Variants in BRINP3 observed in about 807,000 individuals in gnomAD.
The protein encoded by BRINP3 is BMP/retinoic acid-inducible neural-specific protein 3.
A neutral mutation model predicts 71.0 loss-of-function variants in BRINP3; 19 were observed. That is an observed-to-expected ratio of 0.27 (90% CI 0.19 to 0.39). The LOEUF (loss-of-function observed/expected upper bound fraction) is 0.39. BRINP3 is among the 10% of genes least tolerant of loss of function. The pLI is 1.00. For missense variants in BRINP3, 959 were observed against 940.8 expected (o/e 1.02, Z -0.25); for synonymous variants, 380 against 337.7 (o/e 1.13, Z -1.37).
intron 6 of BRINP3, among the ~76,000 whole-genome samples, chr1:190,167,999 C>G (rs1483060875): frequency 6.6e-6 from 1 of 152,062 alleles, no homozygotes; most frequent in Non-Finnish European, 1.5e-5. Context: ...CAGTTCAGCT[C>G]TGACTTCAAT....
At chr1:190,319,365 T>C (rs895919600) in intron 2 of BRINP3, among the ~76,000 whole-genome samples, 3 of 152,174 alleles carry the variant, frequency 2.0e-5, no homozygotes, top group East Asian at 1.9e-4. Flanking sequence ...TCCTGTGTTA[T>C]AGCTCTTATC....
chr1:190,381,573 C>G (rs1034307071), intron 2 of BRINP3, among the ~76,000 whole-genome samples: 9 of 152,194 alleles, frequency 5.9e-5, no homozygotes, highest in African/African-American at 2.2e-4. Context: ...TTTAATTGGT[C>G]ATCTCAATGA....
intron 6 of BRINP3, among the ~76,000 whole-genome samples, chr1:190,207,317 T>C (rs979233577): frequency 6.6e-6 from 1 of 152,092 alleles, no homozygotes; most frequent in East Asian, 1.9e-4. Context: ...TGCGACAAAT[T>C]TGGTCAACCT....
chr1:190,254,851 T>C (rs554354182), intron 4 of BRINP3, among the ~76,000 whole-genome samples: 1 of 152,098 alleles, frequency 6.6e-6, no homozygotes, highest in African/African-American at 2.4e-5. Flanking sequence ...GTCTTGTGCC[T>C]GTTTTCAAAG....
rs531637757 is a variant in BRINP3, at chr1:190,330,024, T to C, written c.237-48274A>G. On this transcript the variant is annotated intron_variant, in intron 2 of 7. Transcript: ENST00000367462. ...AATTAAAATATAAGATCTAAAACTA[T>C]AAGAATCCTTGAAGAAAACTTAGGA... Among the ~76,000 whole-genome samples, 4 of 152,024 alleles carry C rather than the reference T, an allele frequency of 2.6e-5. No individual in the cohort carries two copies. In the East Asian group the frequency reaches 5.8e-4, roughly 22 times the overall value.
chr1:190,192,154 C>A (rs139395467), intron 6 of BRINP3, among the ~76,000 whole-genome samples: 2 of 152,080 alleles, frequency 1.3e-5, no homozygotes, highest in African/African-American at 4.8e-5. Flanking sequence ...CTTCACAGGG[C>A]ATATTTATAA....
chr1:190,373,930 A>G (rs1196214529), intron 2 of BRINP3, among the ~76,000 whole-genome samples: 1 of 150,922 alleles, frequency 6.6e-6, no homozygotes, highest in South Asian at 2.1e-4. Flanking sequence ...AGACAGTAGG[A>G]GGCAGTGTAG....
At chr1:190,177,346 T>G (rs1652629884) in intron 6 of BRINP3, among the ~76,000 whole-genome samples, 1 of 141,860 alleles carries the variant, frequency 7.0e-6, no homozygotes, top group African/African-American at 2.6e-5. Context: ...TTTTTTTTTT[T>G]TTTTTGTATT....
intron 6 of BRINP3, among the ~76,000 whole-genome samples, chr1:190,200,603 G>A (rs1395190584): frequency 6.6e-6 from 1 of 151,954 alleles, no homozygotes; most frequent in African/African-American, 2.4e-5. Context: ...GTCATGTGAT[G>A]ATGGAAGATG....
At chr1:190,289,466 T>G (rs376718156) in intron 2 of BRINP3, among the ~76,000 whole-genome samples, 2 of 151,894 alleles carry the variant, frequency 1.3e-5, no homozygotes, top group Non-Finnish European at 2.9e-5. Context: ...TGGTACTTTG[T>G]GACAAAATAA....
chr1:190,302,497 T>A (rs552362330), intron 2 of BRINP3, among the ~76,000 whole-genome samples: 27 of 151,854 alleles, frequency 1.8e-4, no homozygotes, highest in African/African-American at 6.5e-4. Context: ...AACTGTTCGG[T>A]ATGTTAATTT....
Position 190,206,676 on chromosome 1 carries a change from C to G in BRINP3, c.961+19406G>C, listed in dbSNP as rs565017751. Among the ~76,000 whole-genome samples the G allele has an allele frequency of 1.2e-4, 18 of 152,094 alleles. No homozygotes were observed. The South Asian group carries it at 3.7e-3, about 32-fold the overall frequency. On this transcript the variant is annotated intron_variant, in intron 6 of 7. Coordinates refer to ENST00000367462, the MANE Select transcript of BRINP3 (RefSeq NM_199051.3). ...GTAAAATTAATGAATAAAACCATAT[C>G]TGTTAATACGGCTTTTTGTTCAGTT...
intron 6 of BRINP3, among the ~76,000 whole-genome samples, chr1:190,192,103 C>T (rs1010075328): frequency 2.6e-5 from 4 of 152,186 alleles, no homozygotes; most frequent in East Asian, 1.9e-4. Flanking sequence ...TCCAAAAATA[C>T]GGGCTCTGAA....
At chr1:190,154,372 A>C (rs1372567990) in intron 7 of BRINP3, among the ~76,000 whole-genome samples, 1 of 152,166 alleles carries the variant, frequency 6.6e-6, no homozygotes, top group East Asian at 1.9e-4. Context: ...CTCTATCCTA[A>C]AGAGTGATCC....
rs1022282189 is a variant in BRINP3 at position 190,172,060 on chromosome 1, C to T, written c.962-11170G>A. Among the ~76,000 whole-genome samples the T allele has an allele frequency of 2.7e-5, 4 of 150,542 alleles. No homozygotes were observed. The South Asian group carries it at 8.5e-4, about 32-fold the overall frequency. ...AGTTTACAGTGAGCTATGATTGCACCACTGCACTCCAACTTGGTGACAGAG... is the reference window on the plus strand; with the variant it reads ...AGTTTACAGTGAGCTATGATTGCACTACTGCACTCCAACTTGGTGACAGAG... On this transcript the variant is annotated intron_variant, in intron 6 of 7. Coordinates refer to ENST00000367462, the MANE Select transcript of BRINP3 (RefSeq NM_199051.3).
chr1:190,341,292 C>A (rs140748724), intron 2 of BRINP3, among the ~76,000 whole-genome samples: 1 of 151,754 alleles, frequency 6.6e-6, no homozygotes, highest in African/African-American at 2.4e-5. Flanking sequence ...TGTAGTAGGA[C>A]AAATAATCAC....
At chr1:190,194,444 T>C (rs1428929201) in intron 6 of BRINP3, among the ~76,000 whole-genome samples, 1 of 152,084 alleles carries the variant, frequency 6.6e-6, no homozygotes, top group Non-Finnish European at 1.5e-5. Context: ...GAGTGCATCA[T>C]CTTAATATTA....
At chr1:190,189,490 T>C (rs540494780) in intron 6 of BRINP3, among the ~76,000 whole-genome samples, 12 of 152,206 alleles carry the variant, frequency 7.9e-5, no homozygotes, top group Middle Eastern at 3.4e-3. Context: ...TATTTTCAAA[T>C]AAAGTGTGAT....
intron 5 of BRINP3, among the ~76,000 whole-genome samples, chr1:190,232,975 T>C (rs1658139393): frequency 6.6e-6 from 1 of 152,166 alleles, no homozygotes; most frequent in South Asian, 2.1e-4. Flanking sequence ...ATAATTGATA[T>C]TGATAAATTG....
Sources: allele counts gnomAD v4.1 joint callset (sites outside exome capture counted in the v4.1 genomes callset), GRCh38; gene constraint gnomAD v4.1.1; transcripts MANE v1.5; gene names NCBI Gene and HGNC (gene_info 2026-07-23, HGNC 2026-07-21).